KCNH5: variants seen among roughly 807,000 people sequenced by gnomAD.
KCNH5 encodes the protein voltage-gated delayed rectifier potassium channel KCNH5.
KCNH5 carries 46 observed loss-of-function variants against 96.1 expected under a neutral mutation model. The observed-to-expected ratio is 0.48, with a 90% confidence interval of 0.38 to 0.61. The LOEUF (loss-of-function observed/expected upper bound fraction) is 0.61. KCNH5 is among the 20% of genes least tolerant of loss of function. The pLI is 0.00. For synonymous variants in KCNH5, 439 were observed against 449.8 expected, an observed-to-expected ratio of 0.98 and a Z score of 0.30; for missense variants, 907 against 1,225.8, an observed-to-expected ratio of 0.74 and a Z score of 3.88.
At chr14:62,882,538 T>G (rs1366655698) in intron 7 of KCNH5, among the ~76,000 whole-genome samples, 2 of 152,240 alleles carry the variant, frequency 1.3e-5, no homozygotes, top group South Asian at 4.1e-4. Context: ...GAGGTTTGCA[T>G]AGCAGACTGT....
At chr14:63,024,853 A>C (rs994868032) in intron 1 of KCNH5, among the ~76,000 whole-genome samples, 6 of 152,164 alleles carry the variant, frequency 3.9e-5, no homozygotes, top group African/African-American at 1.4e-4. Context: ...ACTCTTCCAA[A>C]AAATTAAAAA....
chr14:62,939,504 A>C (rs1303047832), intron 7 of KCNH5, among the ~76,000 whole-genome samples: 1 of 152,224 alleles, frequency 6.6e-6, no homozygotes, highest in Admixed American at 6.5e-5. Context: ...TCCAGTAATA[A>C]CTGCACCTTT....
At chr14:62,921,747 T>C (rs1889384853) in intron 7 of KCNH5, among the ~76,000 whole-genome samples, 1 of 152,116 alleles carries the variant, frequency 6.6e-6, no homozygotes, top group Non-Finnish European at 1.5e-5. Context: ...ACGACTGACC[T>C]GGCTCTTGGG....
rs1471788206 is a variant in KCNH5 at position 62,707,845 on chromosome 14, T to G, written c.2630A>C (p.Lys877Thr). 2 of 1,614,066 alleles carry G rather than the reference T, an allele frequency of 1.2e-6. No individual in the cohort carries two copies. Among genetic ancestry groups the G allele is most frequent in the African/African-American group, 1.3e-5 (1 of 74,930 alleles). ...TAGCGGACTTCGGGCCTCCCCAGCC[T>G]TATCCAAACGAAGGTCACTTTTTGT... ...GITKSDLRLD[K>T]AGEARSPLEH... The change falls in exon 11 of 11, where the codon AAG becomes ACG. Residue 877 changes from lysine to threonine, a missense_variant. Coordinates refer to ENST00000322893, the MANE Select transcript of KCNH5 (RefSeq NM_139318.5).
At chr14:62,751,459 A>G (rs939819697) in intron 10 of KCNH5, among the ~76,000 whole-genome samples, 5 of 152,224 alleles carry the variant, frequency 3.3e-5, no homozygotes, top group Non-Finnish European at 1.5e-5. Flanking sequence ...GGAAGATCTC[A>G]GGCCCCATCA....
chr14:63,028,257 C>T (rs576206607), intron 1 of KCNH5, among the ~76,000 whole-genome samples: 5 of 152,178 alleles, frequency 3.3e-5, no homozygotes, highest in African/African-American at 7.2e-5. Context: ...ACAATGGGAA[C>T]GTTCAGACTC....
At chr14:62,834,006 C>T (rs1887415041) in intron 8 of KCNH5, among the ~76,000 whole-genome samples, 3 of 152,036 alleles carry the variant, frequency 2.0e-5, no homozygotes, top group Admixed American at 1.3e-4. Context: ...TCAAATCCAC[C>T]AGTAATCTCC....
At chr14:63,021,391 G>C (rs935285798) in intron 1 of KCNH5, among the ~76,000 whole-genome samples, 7 of 152,052 alleles carry the variant, frequency 4.6e-5, no homozygotes, top group Admixed American at 6.6e-5. Flanking sequence ...TACTATTACA[G>C]TTAGGTCAGT....
chr14:63,006,708 T>G (rs1344328849), intron 2 of KCNH5, among the ~76,000 whole-genome samples: 3 of 152,188 alleles, frequency 2.0e-5, no homozygotes, highest in African/African-American at 7.2e-5. Flanking sequence ...AGTTCAAATT[T>G]CAGTTTCCAC....
At chr14:63,024,967 A>T (rs1001713511) in intron 1 of KCNH5, among the ~76,000 whole-genome samples, 3 of 152,142 alleles carry the variant, frequency 2.0e-5, no homozygotes, top group Non-Finnish European at 4.4e-5. Flanking sequence ...CCTGAAGAAC[A>T]TAGATGCAAA....
chr14:62,966,761 C>A (rs1456252585), intron 6 of KCNH5, among the ~76,000 whole-genome samples: 1 of 152,148 alleles, frequency 6.6e-6, no homozygotes, highest in East Asian at 1.9e-4. Context: ...CCTTCAAAAT[C>A]CTTGCCTTGC....
At chr14:62,838,978 G>T (rs1188464034) in intron 8 of KCNH5, among the ~76,000 whole-genome samples, 1 of 151,250 alleles carries the variant, frequency 6.6e-6, no homozygotes, top group Non-Finnish European at 1.5e-5. Context: ...GAAGAAATAA[G>T]CTACAAAAAT....
At chr14:62,848,005 G>T (rs1887732679) in intron 8 of KCNH5, among the ~76,000 whole-genome samples, 1 of 152,194 alleles carries the variant, frequency 6.6e-6, no homozygotes. Context: ...CAGTATTCAA[G>T]AATATAGAGA....
At chr14:62,710,859 C>T (rs915064) in intron 10 of KCNH5, among the ~76,000 whole-genome samples, 132,673 of 152,218 alleles carry the variant, frequency 0.87, 59,022 homozygotes, top group East Asian at 1. Context: ...ACATATGTAT[C>T]CTTTAACAAA....
intron 9 of KCNH5, among the ~76,000 whole-genome samples, chr14:62,801,499 A>ATTT (rs35409070): frequency 1.0e-3 from 110 of 108,824 alleles, no homozygotes; most frequent in South Asian, 1.9e-3. Context: ...TCATTTGGCA[A>ATTT]TTTTTTTTTT....
At chr14:62,935,731 T>C (rs1331972304) in intron 7 of KCNH5, among the ~76,000 whole-genome samples, 1 of 152,170 alleles carries the variant, frequency 6.6e-6, no homozygotes, top group Non-Finnish European at 1.5e-5. Flanking sequence ...TAAAACTCAG[T>C]CCAATCTGGT....
At chr14:62,852,677 T>A (rs1887830878) in intron 7 of KCNH5, among the ~76,000 whole-genome samples, 1 of 152,148 alleles carries the variant, frequency 6.6e-6, no homozygotes, top group South Asian at 2.1e-4. Context: ...ATCACATATA[T>A]AGATTCATGT....
chr14:62,874,546 T>C (rs11158456), intron 7 of KCNH5, among the ~76,000 whole-genome samples: 16,932 of 151,368 alleles, frequency 0.11, 1,011 homozygotes, highest in East Asian at 0.26. Flanking sequence ...TATACGCAAA[T>C]CAATAAATGT....
At chr14:62,931,301 G>A (rs1261073260) in intron 7 of KCNH5, among the ~76,000 whole-genome samples, 1 of 152,130 alleles carries the variant, frequency 6.6e-6, no homozygotes, top group Non-Finnish European at 1.5e-5. Flanking sequence ...CAATGGGAAA[G>A]TTTTGATCAA....
Sources: allele counts gnomAD v4.1 joint callset (sites outside exome capture counted in the v4.1 genomes callset), GRCh38; gene constraint gnomAD v4.1.1; transcripts MANE v1.5; gene names NCBI Gene and HGNC (gene_info 2026-07-23, HGNC 2026-07-21).